ZNF324: variants seen among roughly 807,000 people sequenced by gnomAD.
ZNF324 encodes zinc finger protein 324.
ZNF324 carries 3 observed loss-of-function variants against 10.3 expected under a neutral mutation model. The ratio of observed to expected loss-of-function variants is 0.29; its 90% CI spans 0.13 to 0.75. The LOEUF (loss-of-function observed/expected upper bound fraction) is 0.75. Among genes scored for constraint, ZNF324 ranks in the 30% least tolerant of loss-of-function variants. ZNF324 has a pLI of 0.69. For synonymous variants in ZNF324, 430 were observed against 339.5 expected (o/e 1.27, Z -2.93); for missense variants, 763 against 784.4 (o/e 0.97, Z 0.33).
At position 58,467,113 on chromosome 19, in the gene ZNF324, C is replaced by G; in HGVS notation, c.-77C>G. 1 of 185,694 alleles carries G rather than the reference C, an allele frequency of 5.4e-6. No homozygotes were observed. The highest frequency in any genetic ancestry group is 1.3e-4 in the South Asian group (1 of 7,970). 11.5% of individuals were successfully genotyped at this position (185,694 alleles called of 1,614,324 possible). ...GCCCGCGTCAGGCCACACCGGTGGT[C>G]TGGGCTGGGGACCGCGGGTCGGGTC... On this transcript the variant is annotated 5_prime_UTR_variant, in exon 1 of 4. Transcript: ENST00000196482.
chr19:58,469,765 G>A lies in ZNF324; in HGVS notation c.159G>A (p.Leu53=), dbSNP rs756594482. Residue 53 remains leucine, a synonymous_variant, in exon 3 of 4, where the codon CTG becomes CTA. Transcript: ENST00000196482. ...CTCGACCTCGTGTGGTCATCCAACT[G>A]GAGCGTGGCGAGGAGCCCTGGGTTC... ...STSRPRVVIQ[L]ERGEEPWVPS... is the part of the protein sequence containing the mutation. The A allele has an allele frequency of 3.1e-6, 5 of 1,592,328 alleles. No individual in the cohort carries two copies. The South Asian group carries it at 4.6e-5, about 15-fold the overall frequency.
rs1455996168 is a variant in ZNF324, at chr19:58,472,114, C to T, written c.1622C>T (p.Ala541Val). Residue 541 changes from alanine to valine, a missense_variant, in exon 4 of 4, where the codon GCC becomes GTC. Physicochemically the swap from Ala to Val is moderately conservative, Grantham distance 64. Coordinates refer to ENST00000196482, the MANE Select transcript of ZNF324 (RefSeq NM_014347.3). ...GCGAAGGAAACCGAGCCCACTCCCG[C>T]CTCGGGCCCAGCCGCCGTCTCGCAG... is the stretch of plus-strand genomic sequence containing the variant. ...APAKETEPTP[A>V]SGPAAVSQPA... 1 of 1,592,830 alleles carries T rather than the reference C, an allele frequency of 6.3e-7. No homozygotes were observed.
chr19:58,471,009 C>G lies in ZNF324; in HGVS notation c.517C>G (p.Arg173Gly). Residue 173 changes from arginine (R) to glycine (G), a missense_variant, in exon 4 of 4, where the codon CGG (arginine) becomes GGG (glycine). Physicochemically the swap from Arg to Gly is moderately radical, Grantham distance 125 (BLOSUM62 -2). This residue lies in a region of ZNF324 where 379 missense variants were observed against 319.4 expected (regional missense o/e 1.19). Transcript: ENST00000196482. ...TSPLRPPEGV[R>G]LREKTLTEHA... ...CCCGCTTAGGCCTCCCGAGGGCGTC[C>G]GGCTTAGAGAAAAGACACTCACAGA... 6.2e-7 allele frequency: 1 copy of G among 1,614,160 alleles called. No individual in the cohort carries two copies. The highest frequency in any genetic ancestry group is 1.1e-5 in the South Asian group (1 of 91,090).
rs1455363928 is a variant in ZNF324 at position 58,472,003 on chromosome 19, C to G, written c.1511C>G (p.Thr504Ser). The change falls in exon 4 of 4, where the codon ACC (threonine) becomes AGC (serine). Residue 504 changes from threonine to serine, a missense_variant. By Grantham distance (58) the Thr-to-Ser change is moderately conservative. This residue lies in a region of ZNF324 where 231 missense variants were observed against 196.0 expected (regional missense o/e 1.18). Coordinates refer to ENST00000196482, the MANE Select transcript of ZNF324 (RefSeq NM_014347.3). ...PALFHHQRIH[T>S]GEKTVRRSRA... is the part of the protein sequence containing the mutation. The stretch of plus-strand genomic sequence containing the variant: ...CTCTTCCACCACCAGAGGATCCATA[C>G]CGGCGAGAAGACCGTCCGGCGATCC... 1 of 1,608,212 alleles carries G rather than the reference C, an allele frequency of 6.2e-7. No individual in the cohort carries two copies. Among genetic ancestry groups the G allele is most frequent in the Non-Finnish European group, 8.5e-7 (1 of 1,179,710 alleles).
At position 58,472,309 on chromosome 19, in the gene ZNF324, G is replaced by A. The variant is rs117517154; in HGVS notation, c.*155G>A. 9.5e-4 allele frequency: 758 copies of A among 798,474 alleles called. 12 individuals are homozygous for A. In the East Asian group the frequency reaches 0.019, roughly 20 times the overall value. The allele number at this position is 798,474 out of a possible 1,614,324, so 49.5% of individuals were successfully genotyped here. A position where few individuals can be genotyped will look rare whatever the true frequency, so the allele number is the denominator to read the frequency against. On this transcript the variant is annotated 3_prime_UTR_variant, in exon 4 of 4. Transcript: ENST00000196482. ...TGATTTCATTTGCACGTGGGGACAG[G>A]ATTTGCCAGTTCACCCACAGATCAC...
chr19:58,467,938 A>G (rs958911652), intron 1 of ZNF324, among the ~76,000 whole-genome samples: 4 of 151,842 alleles, frequency 2.6e-5, no homozygotes, highest in Admixed American at 6.6e-5. Context: ...TGCGTGGAGA[A>G]CAGACATGCA....
rs1224971166 is a variant in ZNF324, at chr19:58,471,410, C to A, written c.918C>A (p.Ile306=). The A allele has an allele frequency of 6.2e-7, 1 of 1,611,948 alleles. No homozygotes were observed. The highest frequency in any genetic ancestry group is 8.5e-7 in the Non-Finnish European group (1 of 1,179,068). ...CGCACTTGACGCAGCACCAGCGCAT[C>A]CACAGCGGCGAGACGCCCTACGCGT... ...QTSHLTQHQR[I]HSGETPYACP... Residue 306 remains isoleucine, a synonymous_variant, in exon 4 of 4, where the codon ATC becomes ATA. Coordinates refer to ENST00000196482, the MANE Select transcript of ZNF324 (RefSeq NM_014347.3).
rs2053065225 is a variant in ZNF324, at chr19:58,474,589, A to C, written c.*2435A>C. 1 of 151,840 alleles carries C rather than the reference A, an allele frequency of 6.6e-6. No homozygotes were observed. The highest frequency in any genetic ancestry group is 1.5e-5 in the Non-Finnish European group (1 of 68,002). 9.4% of individuals were successfully genotyped at this position (151,840 alleles called of 1,614,324 possible). Reference sequence around the variant, plus strand: ...GCCCCCAACCTAGGCTCCCACCTCCATGCAGGTCTTGGCCCCTCGGCTGAC... The same window carrying C: ...GCCCCCAACCTAGGCTCCCACCTCCCTGCAGGTCTTGGCCCCTCGGCTGAC... On this transcript the variant is annotated 3_prime_UTR_variant, in exon 4 of 4. Coordinates refer to ENST00000196482, the MANE Select transcript of ZNF324 (RefSeq NM_014347.3).
rs1358185216 is a variant in ZNF324, at chr19:58,474,163, A to G, written c.*2009A>G. 3 of 152,340 alleles carry G rather than the reference A, an allele frequency of 2.0e-5. No individual in the cohort carries two copies. Among genetic ancestry groups the G allele is most frequent in the East Asian group, 3.9e-4 (2 of 5,180 alleles). 9.4% of individuals were successfully genotyped at this position (152,340 alleles called of 1,614,324 possible). A position where few individuals can be genotyped will look rare whatever the true frequency, so the allele number is the denominator to read the frequency against. On this transcript the variant is annotated 3_prime_UTR_variant, in exon 4 of 4. Transcript: ENST00000196482. The stretch of plus-strand genomic sequence containing the variant: ...GACACACAGAACCTAGCTCCCCTGG[A>G]GCCTGCAAGACTTGGGCCACCAGAA...
At chr19:58,469,620 G>A in intron 2 of ZNF324, 108 bp from the exon 3 acceptor site, 16 of 933,100 alleles carry the variant, frequency 1.7e-5, no homozygotes, top group Non-Finnish European at 2.7e-5. Flanking sequence ...TTCTGCAGTT[G>A]CACAGATGAC....
In ZNF324 at chr19:58,467,101, C is replaced by G. The variant is rs969467485; in HGVS notation, c.-89C>G. On this transcript the variant is annotated 5_prime_UTR_variant, in exon 1 of 4. Transcript: ENST00000196482. ...TGTCACTTCGCCGCCCGCGTCAGGC[C>G]ACACCGGTGGTCTGGGCTGGGGACC... 1 of 190,158 alleles carries G rather than the reference C, an allele frequency of 5.3e-6. No homozygotes were observed. Among genetic ancestry groups the G allele is most frequent in the East Asian group, 1.3e-4 (1 of 7,618 alleles). The allele number at this position is 190,158 out of a possible 1,614,324, so 11.8% of individuals were successfully genotyped here. A position where few individuals can be genotyped will look rare whatever the true frequency, so the allele number is the denominator to read the frequency against.
In ZNF324 at chr19:58,472,419, G is replaced by T; in HGVS notation, c.*265G>T. The T allele has an allele frequency of 2.0e-6, 1 of 505,186 alleles. No homozygotes were observed. Among genetic ancestry groups the T allele is most frequent in the East Asian group, 3.1e-5 (1 of 32,678 alleles). 31.3% of individuals were successfully genotyped at this position (505,186 alleles called of 1,614,324 possible). A position where few individuals can be genotyped will look rare whatever the true frequency, so the allele number is the denominator to read the frequency against. Reference sequence around the variant, plus strand: ...ACTCTAGTGGGGCCGAGACTATTCAGAGCCAGTAGGAGGCCGACAGTCACA... The same window carrying T: ...ACTCTAGTGGGGCCGAGACTATTCATAGCCAGTAGGAGGCCGACAGTCACA... On this transcript the variant is annotated 3_prime_UTR_variant, in exon 4 of 4. Transcript: ENST00000196482.
rs149270714 is a variant in ZNF324, at chr19:58,472,046, C to T, written c.1554C>T (p.Pro518=). The T allele has an allele frequency of 6.2e-7, 1 of 1,606,456 alleles. No homozygotes were observed. Among genetic ancestry groups the T allele is most frequent in the East Asian group, 2.2e-5 (1 of 44,860 alleles). The change falls in exon 4 of 4, where the codon CCC becomes CCT. Residue 518 remains proline (P), a synonymous_variant. Coordinates refer to ENST00000196482, the MANE Select transcript of ZNF324 (RefSeq NM_014347.3). ...GGCGATCCAGGGCCAGCCTGCACCC[C>T]CAGGCCAGGTCTGTTGCCGGGGCAT... ...TVRRSRASLH[P]QARSVAGASS... is the part of the protein sequence containing the mutation.
In ZNF324 at chr19:58,469,173, CT is replaced by C. The variant is rs1205294735; in HGVS notation, c.-6-3del. 7 of 1,614,086 alleles carry C rather than the reference CT, an allele frequency of 4.3e-6. No individual in the cohort carries two copies. Among genetic ancestry groups the C allele is most frequent in the African/African-American group, 2.7e-5 (2 of 74,946 alleles). On this transcript the variant is annotated splice_region_variant and splice_polypyrimidine_tract_variant and intron_variant, in intron 1 of 3. Coordinates refer to ENST00000196482, the MANE Select transcript of ZNF324 (RefSeq NM_014347.3). ...CCATGGCTGTCTCTTCCTCCCTGCTCTTTTAGGACCAGATGGCCTTTGAGGA... is the reference window on the plus strand; with the variant it reads ...CCATGGCTGTCTCTTCCTCCCTGCTCTTTAGGACCAGATGGCCTTTGAGGA...
At chr19:58,467,553 C>A (rs1201734897) in intron 1 of ZNF324, 1 of 152,584 alleles carries the variant, frequency 6.6e-6, no homozygotes. Context: ...AGACCGCGCC[C>A]TCACGGAGGG....
intron 2 of ZNF324, 128 bp from the exon 3 acceptor site, chr19:58,469,600 C>A: frequency 1.2e-6 from 1 of 828,298 alleles, no homozygotes; most frequent in South Asian, 1.6e-5. Context: ...TGCCCTGTGC[C>A]ATCTTTAGAT....
Position 58,471,676 on chromosome 19 carries a change from A to C in ZNF324, c.1184A>C (p.Lys395Thr). 6.2e-7 allele frequency: 1 copy of C among 1,612,754 alleles called. No homozygotes were observed. The highest frequency in any genetic ancestry group is 8.5e-7 in the Non-Finnish European group (1 of 1,179,758). Reference protein sequence around the residue: ...IQHERTHTGEKPFVCALCGAA... With the variant: ...IQHERTHTGETPFVCALCGAA... ...CACGAGCGTACGCACACAGGCGAGA[A>C]GCCCTTCGTGTGCGCGCTCTGCGGT... The change falls in exon 4 of 4, where the codon AAG (lysine) becomes ACG (threonine). Residue 395 changes from lysine (K) to threonine (T), a missense_variant. Coordinates refer to ENST00000196482, the MANE Select transcript of ZNF324 (RefSeq NM_014347.3).
In ZNF324 at chr19:58,471,461, G is replaced by A. The variant is rs1003455203; in HGVS notation, c.969G>A (p.Arg323=). 6.3e-7 allele frequency: 1 copy of A among 1,599,238 alleles called. No individual in the cohort carries two copies. Among genetic ancestry groups the A allele is most frequent in the Non-Finnish European group, 8.5e-7 (1 of 1,171,470 alleles). Residue 323 remains arginine, a synonymous_variant, in exon 4 of 4, where the codon CGG becomes CGA. Transcript: ENST00000196482. ...YACPVCGKAF[R]HSSSLVRHQR... ...GCCCCGTGTGCGGCAAGGCCTTCCG[G>A]CATAGCTCCTCGCTGGTGCGGCACC...
intron 1 of ZNF324, among the ~76,000 whole-genome samples, chr19:58,468,676 G>T (rs925757425): frequency 6.6e-6 from 1 of 152,156 alleles, no homozygotes; most frequent in Non-Finnish European, 1.5e-5. Context: ...ACCTGGGGCT[G>T]CTCTTGGTGT....
Sources: gnomAD v4.1 joint callset for allele counts (sites outside exome capture counted in the v4.1 genomes callset) on GRCh38, gnomAD v4.1.1 for gene constraint, gnomAD v4.1.1 regional missense constraint, MANE v1.5 for transcripts, NCBI Gene and HGNC (gene_info 2026-07-23, HGNC 2026-07-21) for gene names.